Variants in DHRSX observed in about 807,000 individuals in gnomAD.
DHRSX encodes the protein polyprenol dehydrogenase.
DHRSX carries 31 observed loss-of-function variants against 34.0 expected under a neutral mutation model. The observed-to-expected ratio is 0.91, with a 90% confidence interval of 0.69 to 1.23. The LOEUF is 1.23. DHRSX is among the 50% of genes most tolerant of loss of function. The probability of loss-of-function intolerance (pLI) is 0.00; values close to 1 mark genes in which losing one functional copy is unlikely to be tolerated. For synonymous variants in DHRSX, 201 were observed against 183.8 expected, an observed-to-expected ratio of 1.09 and a Z score of -0.76; for missense variants, 414 against 428.1, an observed-to-expected ratio of 0.97 and a Z score of 0.29.
intron 3 of DHRSX, among the ~76,000 whole-genome samples, chrX:2,307,214 G>A (rs2042109039): frequency 6.6e-6 from 1 of 152,104 alleles, no homozygotes; most frequent in Non-Finnish European, 1.5e-5. Flanking sequence ...CACAGAAACG[G>A]AAAATTAAAT....
intron 6 of DHRSX, among the ~76,000 whole-genome samples, chrX:2,232,264 G>A (rs1373937136): frequency 1.3e-5 from 2 of 151,902 alleles, no homozygotes; most frequent in Non-Finnish European, 2.9e-5. Flanking sequence ...CCTCTGAATC[G>A]AAATCACTCT....
At chrX:2,303,828 G>A (rs2042048798) in intron 3 of DHRSX, among the ~76,000 whole-genome samples, 1 of 132,900 alleles carries the variant, frequency 7.5e-6, no homozygotes, top group South Asian at 2.8e-4. Flanking sequence ...TGGATGGGTG[G>A]GTGGATGGAT....
At chrX:2,236,630 C>T (rs1331714074) in intron 6 of DHRSX, among the ~76,000 whole-genome samples, 4 of 152,150 alleles carry the variant, frequency 2.6e-5, no homozygotes, top group South Asian at 2.1e-4. Flanking sequence ...CGGGGTTTCA[C>T]CACGTTGGCC....
intron 4 of DHRSX, among the ~76,000 whole-genome samples, chrX:2,283,017 G>T (rs2041748417): frequency 6.6e-6 from 1 of 151,562 alleles, no homozygotes; most frequent in Non-Finnish European, 1.5e-5. Flanking sequence ...AAGAGAGAAT[G>T]ACAGAGAGAC....
At chrX:2,402,758 T>A (rs2043502279) in intron 3 of DHRSX, among the ~76,000 whole-genome samples, 1 of 152,094 alleles carries the variant, frequency 6.6e-6, no homozygotes, top group South Asian at 2.1e-4. Flanking sequence ...TATGGGATAA[T>A]GAGGTATTTT....
chrX:2,314,486 G>GGAGGAAGCGAGGAAGGGAGGAAGGTAGGT (rs112592541), intron 3 of DHRSX, among the ~76,000 whole-genome samples: 1 of 118,168 alleles, frequency 8.5e-6, no homozygotes, highest in African/African-American at 5.7e-5. Flanking sequence ...AGGAAGGAAG[G>GGAGGAAGCGAGGAAGGGAGGAAGGTAGGT]AAGGGAGGTA....
intron 3 of DHRSX, among the ~76,000 whole-genome samples, chrX:2,323,156 G>A (rs1423692223): frequency 1.3e-5 from 2 of 152,084 alleles, no homozygotes; most frequent in African/African-American, 2.4e-5. Flanking sequence ...AGCTCAAAGA[G>A]GTACAAGAAC....
At chrX:2,274,223 A>G (rs1018332199) in intron 4 of DHRSX, among the ~76,000 whole-genome samples, 6 of 151,396 alleles carry the variant, frequency 4.0e-5, no homozygotes, top group Non-Finnish European at 7.4e-5. Flanking sequence ...TTTTTAGTAG[A>G]GACGGGGTTT....
Position 2,282,450 on chromosome X carries a change from TG to T in DHRSX, c.388+9051del, listed in dbSNP as rs1269482794. ...AAGGCAAAGGAGAGAGGAGGAGAGA[TG>T]GGGGAAGGAGGAAAGAGAGAGAAGT... On this transcript the variant is annotated intron_variant, in intron 4 of 6. Coordinates refer to ENST00000334651, the MANE Select transcript of DHRSX (RefSeq NM_145177.3). 6.4e-3 allele frequency among the ~76,000 whole-genome samples: 543 copies of T among 84,356 alleles called. 6 individuals carry two copies. The highest frequency in any genetic ancestry group is 0.025 in the African/African-American group (523 of 20,944). The allele number at this position is 84,356 out of a possible 152,430, so 55.3% of individuals were successfully genotyped here. A position where few individuals can be genotyped will look rare whatever the true frequency, so the allele number is the denominator to read the frequency against.
intron 3 of DHRSX, among the ~76,000 whole-genome samples, chrX:2,400,190 A>G (rs2043469099): frequency 6.6e-6 from 1 of 152,240 alleles, no homozygotes; most frequent in Non-Finnish European, 1.5e-5. Flanking sequence ...CAGCACAGAC[A>G]TGATCTCTCA....
intron 3 of DHRSX, among the ~76,000 whole-genome samples, chrX:2,319,151 T>C (rs1409925334): frequency 2.0e-5 from 3 of 152,176 alleles, no homozygotes; most frequent in African/African-American, 7.2e-5. Flanking sequence ...ACATCTGAAC[T>C]GAGCAGATTC....
At chrX:2,369,073 A>T (rs1190298605) in intron 3 of DHRSX, among the ~76,000 whole-genome samples, 1 of 152,236 alleles carries the variant, frequency 6.6e-6, no homozygotes, top group East Asian at 1.9e-4. Flanking sequence ...CTATAGAAGC[A>T]AACCTACCAC....
At chrX:2,466,080 G>T (rs1438242650) in intron 1 of DHRSX, among the ~76,000 whole-genome samples, 22 of 152,154 alleles carry the variant, frequency 1.4e-4, no homozygotes. Flanking sequence ...TCAACAGGAC[G>T]CCATGTAGAC....
chrX:2,321,476 AGAT>A (rs1312613365), intron 3 of DHRSX, among the ~76,000 whole-genome samples: 5 of 151,788 alleles, frequency 3.3e-5, no homozygotes, highest in African/African-American at 4.8e-5. Context: ...AGCCTTTGGG[AGAT>A]GATGATGTTT....
intron 5 of DHRSX, chrX:2,261,293 T>C (rs1214616215): frequency 6.6e-6 from 1 of 152,140 alleles, no homozygotes; most frequent in African/African-American, 2.4e-5. Flanking sequence ...TTTATAGGAA[T>C]AAAAACTCTC....
chrX:2,481,100 T>C (rs2044763316), intron 1 of DHRSX, among the ~76,000 whole-genome samples: 1 of 152,192 alleles, frequency 6.6e-6, no homozygotes, highest in Non-Finnish European at 1.5e-5. Flanking sequence ...ATTAGGTTAA[T>C]AATATGGTAA....
intron 3 of DHRSX, among the ~76,000 whole-genome samples, chrX:2,294,804 AGAGG>A (rs2041912346): frequency 8.1e-6 from 1 of 123,644 alleles, no homozygotes; most frequent in South Asian, 2.6e-4. Flanking sequence ...GGAGAGAGAG[AGAGG>A]AAAAAGAGAG....
chrX:2,339,305 C>A (rs2042611073), intron 3 of DHRSX, among the ~76,000 whole-genome samples: 1 of 151,434 alleles, frequency 6.6e-6, no homozygotes, highest in African/African-American at 2.4e-5. Flanking sequence ...CTGGCTAATT[C>A]CTTTTGTATT....
Position 2,221,310 on chromosome X carries a change from G to A in DHRSX, c.805-81C>T, listed in dbSNP as rs2015515083. On this transcript the variant is annotated intron_variant, in intron 6 of 6. Coordinates refer to ENST00000334651, the MANE Select transcript of DHRSX (RefSeq NM_145177.3). ...GAGTCTCAGGACTCACATGGATGCTGCAGGGACAGGTGGAATATACTCATC... is the reference window on the plus strand; with the variant it reads ...GAGTCTCAGGACTCACATGGATGCTACAGGGACAGGTGGAATATACTCATC... 4.8e-5 allele frequency: 68 copies of A among 1,403,136 alleles called. No individual in the cohort carries two copies. The South Asian group carries it at 8.2e-4, about 17-fold the overall frequency. The allele number at this position is 1,403,136 out of a possible 1,614,324, so 86.9% of individuals were successfully genotyped here. A position where few individuals can be genotyped will look rare whatever the true frequency, so the allele number is the denominator to read the frequency against.
Sources: gnomAD v4.1 joint callset for allele counts (sites outside exome capture counted in the v4.1 genomes callset) on GRCh38, gnomAD v4.1.1 for gene constraint, MANE v1.5 for transcripts, NCBI Gene and HGNC (gene_info 2026-07-23, HGNC 2026-07-21) for gene names.